Variants in CHST11 observed in about 807,000 individuals in gnomAD.
CHST11 encodes the protein C4S-1.
In CHST11, 9 loss-of-function variants were observed where a neutral mutation model predicts 30.4. That is an observed-to-expected ratio of 0.30 (90% CI 0.18 to 0.52). CHST11 has a LOEUF of 0.52. Ranked by LOEUF, CHST11 falls within the 20% of genes least tolerant of loss-of-function variation. The pLI, the probability that CHST11 is intolerant of heterozygous loss-of-function variation, is 0.97. For missense variants in CHST11, 348 were observed against 460.6 expected (o/e 0.76, Z 2.24); for synonymous variants, 152 against 187.8 (o/e 0.81, Z 1.56).
chr12:104,749,045 A>G (rs1343082841), intron 2 of CHST11, among the ~76,000 whole-genome samples: 1 of 152,228 alleles, frequency 6.6e-6, no homozygotes, highest in Non-Finnish European at 1.5e-5. Context: ...AGCCTCTGGA[A>G]GAGTCCCAAC....
chr12:104,754,512 C>T (rs58054883), intron 2 of CHST11, among the ~76,000 whole-genome samples: 3,013 of 152,246 alleles, frequency 0.02, 135 homozygotes, highest in East Asian at 0.19. Flanking sequence ...CTCAGGGCAG[C>T]GTTCCAACAG....
intron 1 of CHST11, among the ~76,000 whole-genome samples, chr12:104,461,304 T>G (rs1399974753): frequency 1.3e-5 from 2 of 152,212 alleles, no homozygotes; most frequent in African/African-American, 4.8e-5. Context: ...AATCCATCCA[T>G]AGAACAGACA....
At chr12:104,479,099 G>A (rs532705098) in intron 1 of CHST11, among the ~76,000 whole-genome samples, 4 of 151,812 alleles carry the variant, frequency 2.6e-5, no homozygotes, top group Non-Finnish European at 4.4e-5. Flanking sequence ...GACTCTTAAC[G>A]TATTGGTAGA....
intron 2 of CHST11, among the ~76,000 whole-genome samples, chr12:104,672,978 G>GAGAAAA (rs1485252705): frequency 2.6e-5 from 4 of 152,148 alleles, no homozygotes; most frequent in African/African-American, 9.7e-5. Flanking sequence ...AGTTCTGGAG[G>GAGAAAA]CCAGAAGTCC....
At chr12:104,697,208 A>G (rs117258480) in intron 2 of CHST11, among the ~76,000 whole-genome samples, 2 of 152,198 alleles carry the variant, frequency 1.3e-5, no homozygotes, top group East Asian at 1.9e-4. Context: ...TCGTGTTGAC[A>G]TATTGTGATA....
At chr12:104,748,129 A>T (rs1453793874) in intron 2 of CHST11, among the ~76,000 whole-genome samples, 2 of 152,132 alleles carry the variant, frequency 1.3e-5, no homozygotes, top group African/African-American at 4.8e-5. Context: ...CTTTTGAGAG[A>T]TCAAAGCGAG....
At chr12:104,584,050 T>G (rs1365189321) in intron 1 of CHST11, among the ~76,000 whole-genome samples, 1 of 152,124 alleles carries the variant, frequency 6.6e-6, no homozygotes, top group East Asian at 1.9e-4. Context: ...CATCAGTGGC[T>G]GCAGATAGAT....
intron 2 of CHST11, among the ~76,000 whole-genome samples, chr12:104,609,329 G>A (rs779150798): frequency 6.6e-6 from 1 of 152,216 alleles, no homozygotes; most frequent in Non-Finnish European, 1.5e-5. Flanking sequence ...TGGCAAAGAT[G>A]AAATATTACA....
At chr12:104,471,097 C>A (rs1349736850) in intron 1 of CHST11, among the ~76,000 whole-genome samples, 1 of 152,140 alleles carries the variant, frequency 6.6e-6, no homozygotes, top group Non-Finnish European at 1.5e-5. Context: ...TCATGTATTA[C>A]CTCTTGTGTT....
At chr12:104,677,879 A>G (rs1479035312) in intron 2 of CHST11, among the ~76,000 whole-genome samples, 1 of 152,156 alleles carries the variant, frequency 6.6e-6, no homozygotes, top group Non-Finnish European at 1.5e-5. Context: ...CTTGGCCCAC[A>G]TTCCTCAAAC....
intron 1 of CHST11, among the ~76,000 whole-genome samples, chr12:104,595,448 C>A (rs371697572): frequency 2.0e-5 from 3 of 152,176 alleles, no homozygotes; most frequent in African/African-American, 7.2e-5. Flanking sequence ...ACTCCCCAAA[C>A]CTGAGCAATT....
intron 2 of CHST11, among the ~76,000 whole-genome samples, chr12:104,726,111 A>G (rs555627852): frequency 4.6e-5 from 7 of 152,348 alleles, no homozygotes; most frequent in African/African-American, 1.7e-4. Flanking sequence ...AGAGAAGACA[A>G]CAGAGAGATA....
Position 104,457,371 on chromosome 12 carries a change from C to T in CHST11, c.-41C>T. The T allele has an allele frequency of 6.7e-7, 1 of 1,500,192 alleles. No individual in the cohort carries two copies. The highest frequency in any genetic ancestry group is 9.2e-7 in the Non-Finnish European group (1 of 1,081,464). 92.9% of individuals were successfully genotyped at this position (1,500,192 alleles called of 1,614,324 possible). A position where few individuals can be genotyped will look rare whatever the true frequency, so the allele number is the denominator to read the frequency against. ...GGTCCCTGCTCCTGCGCCCCGGGCGCGCTTCCCGGACACCCCGGTCCCCGC... is the reference window on the plus strand; with the variant it reads ...GGTCCCTGCTCCTGCGCCCCGGGCGTGCTTCCCGGACACCCCGGTCCCCGC... On this transcript the variant is annotated 5_prime_UTR_variant, in exon 1 of 3. Coordinates refer to ENST00000303694, the MANE Select transcript of CHST11 (RefSeq NM_018413.6).
At chr12:104,683,357 A>G (rs2039816152) in intron 2 of CHST11, among the ~76,000 whole-genome samples, 1 of 152,240 alleles carries the variant, frequency 6.6e-6, no homozygotes, top group African/African-American at 2.4e-5. Context: ...AGGACCAGTA[A>G]GAAATGAGGC....
chr12:104,461,133 C>G (rs2135947932), intron 1 of CHST11, among the ~76,000 whole-genome samples: 1 of 152,312 alleles, frequency 6.6e-6, no homozygotes, highest in African/African-American at 2.4e-5. Flanking sequence ...CCTTCCTGAA[C>G]TGTGACACGG....
chr12:104,746,751 T>C (rs1296336049), intron 2 of CHST11, among the ~76,000 whole-genome samples: 1 of 152,232 alleles, frequency 6.6e-6, no homozygotes, highest in Non-Finnish European at 1.5e-5. Flanking sequence ...CTAAACCCTT[T>C]ACGTTTTGTA....
chr12:104,557,280 G>T (rs1592761896), intron 1 of CHST11, among the ~76,000 whole-genome samples: 1 of 152,186 alleles, frequency 6.6e-6, no homozygotes. Context: ...TCTCTGGGCT[G>T]TGCACCTGGG....
chr12:104,517,569 G>A (rs1280054147), intron 1 of CHST11, among the ~76,000 whole-genome samples: 1 of 152,170 alleles, frequency 6.6e-6, no homozygotes, highest in Non-Finnish European at 1.5e-5. Context: ...CCTGGGGTCT[G>A]ATCCTGCATT....
At chr12:104,468,754 T>C (rs371213342) in intron 1 of CHST11, among the ~76,000 whole-genome samples, 14 of 152,288 alleles carry the variant, frequency 9.2e-5, no homozygotes, top group African/African-American at 3.4e-4. Flanking sequence ...AGGGGCTTAA[T>C]AATTGATTGA....
Sources: gnomAD v4.1 joint callset for allele counts (sites outside exome capture counted in the v4.1 genomes callset) on GRCh38, gnomAD v4.1.1 for gene constraint, MANE v1.5 for transcripts, NCBI Gene and HGNC (gene_info 2026-07-23, HGNC 2026-07-21) for gene names.